Variants in CEP350 observed in about 807,000 individuals in gnomAD.
CEP350 encodes centrosomal protein 350, also known as centrosome-associated protein 350.
A neutral mutation model predicts 331.8 loss-of-function variants in CEP350; 126 were observed. That is an observed-to-expected ratio of 0.38 (90% CI 0.33 to 0.44). CEP350 has a LOEUF of 0.44. CEP350 is among the 20% of genes least tolerant of loss of function. The probability of loss-of-function intolerance (pLI) is 1.00; values close to 1 mark genes in which losing one functional copy is unlikely to be tolerated. For synonymous variants in CEP350, 1,200 were observed against 1,259.5 expected (o/e 0.95, Z 1.00); for missense variants, 3,406 against 3,634.6 (o/e 0.94, Z 1.62).
Position 180,058,070 on chromosome 1 carries a change from G to C in CEP350, c.5262+3568G>C, listed in dbSNP as rs754427825. On this transcript the variant is annotated intron_variant, in intron 25 of 37. Transcript: ENST00000367607. ...AGTTGAGAGCAATTGCCACTACCTG[G>C]TTCAGTTGAGGACATATATAATATA... 7.2e-5 allele frequency among the ~76,000 whole-genome samples: 11 copies of C among 152,186 alleles called. 1 individual carries two copies. Among genetic ancestry groups the C allele is most frequent in the Admixed American group, 7.2e-4 (11 of 15,292 alleles).
Position 180,004,719 on chromosome 1 carries a change from G to A in CEP350, c.1132+1432G>A, listed in dbSNP as rs562942096. On this transcript the variant is annotated intron_variant, in intron 7 of 37. Coordinates refer to ENST00000367607, the MANE Select transcript of CEP350 (RefSeq NM_014810.5). ...GTTATGATCTGTCAGCAGCATGATT[G>A]ATCACTTCTTCTTTGAAATTTTCAC... 7.4e-4 allele frequency among the ~76,000 whole-genome samples: 112 copies of A among 152,250 alleles called. 1 individual carries two copies. The highest frequency in any genetic ancestry group is 2.6e-3 in the African/African-American group (110 of 41,540).
At chr1:180,078,388 C>A in intron 28 of CEP350, 75 bp from the exon 29 acceptor site, 1 of 1,082,238 alleles carries the variant, frequency 9.2e-7, no homozygotes, top group Non-Finnish European at 1.4e-6. Flanking sequence ...ATGCTAAAAA[C>A]AATGTTTATT....
At chr1:180,049,851 T>A (rs1657372285) in intron 22 of CEP350, among the ~76,000 whole-genome samples, 1 of 152,206 alleles carries the variant, frequency 6.6e-6, no homozygotes, top group Non-Finnish European at 1.5e-5. Context: ...CTACTTACCC[T>A]CTTAAAGCAA....
intron 1 of CEP350, chr1:179,969,118 G>A (rs1297663900): frequency 9.0e-6 from 6 of 666,896 alleles, no homozygotes; most frequent in African/African-American, 5.3e-5. Context: ...TTGCCATCCC[G>A]TGCAACAATA....
chr1:179,991,769 T>A (rs576743066), intron 4 of CEP350, among the ~76,000 whole-genome samples: 112 of 148,602 alleles, frequency 7.5e-4, no homozygotes, highest in African/African-American at 2.5e-3. Context: ...TATATGATAC[T>A]TCTCTCTTAA....
At chr1:180,102,192 G>GT (rs1288041680) in intron 37 of CEP350, among the ~76,000 whole-genome samples, 1 of 150,492 alleles carries the variant, frequency 6.6e-6, no homozygotes, top group Non-Finnish European at 1.5e-5. Flanking sequence ...CTGGAGTGCA[G>GT]TGGCACCACC....
At chr1:179,955,228 G>A in intron 1 of CEP350, 86 bp downstream of exon 1, 4 of 1,149,870 alleles carry the variant, frequency 3.5e-6, no homozygotes, top group Non-Finnish European at 4.4e-6. Context: ...CCCCGGTGGC[G>A]GCAAGAGAGG....
Position 180,020,789 on chromosome 1 carries a change from T to G in CEP350, c.3015T>G (p.Leu1005=). The G allele has an allele frequency of 6.2e-7, 1 of 1,613,544 alleles. No individual in the cohort carries two copies. Among genetic ancestry groups the G allele is most frequent in the South Asian group, 1.1e-5 (1 of 91,034 alleles). Reference sequence around the variant, plus strand: ...AGGGAGACCAGGATGGACAGCCCCTTTTGAAAGTAGCAGAAATTTTAAAAG... The same window carrying G: ...AGGGAGACCAGGATGGACAGCCCCTGTTGAAAGTAGCAGAAATTTTAAAAG... ...EEEGDQDGQP[L]LKVAEILKEK... The change falls in exon 12 of 38, where the codon CTT becomes CTG. Residue 1005 remains leucine, a synonymous_variant. Transcript: ENST00000367607.
chr1:180,045,108 G>A (rs928495556), intron 21 of CEP350, among the ~76,000 whole-genome samples: 2 of 152,104 alleles, frequency 1.3e-5, no homozygotes, highest in East Asian at 1.9e-4. Context: ...TTGGGAGGCC[G>A]AGGTGGGAAG....
At chr1:180,094,706 T>G in intron 34 of CEP350, 90 bp downstream of exon 34, 2 of 1,346,478 alleles carry the variant, frequency 1.5e-6, no homozygotes, top group Non-Finnish European at 1.0e-6. Flanking sequence ...ATTTTAATTC[T>G]GTGACTCCTG....
chr1:180,098,934 G>A lies in CEP350; in HGVS notation c.9138G>A (p.Gln3046=), dbSNP rs1404092000. 5.0e-6 allele frequency: 8 copies of A among 1,613,630 alleles called. No individual in the cohort carries two copies. The highest frequency in any genetic ancestry group is 6.8e-6 in the Non-Finnish European group (8 of 1,179,726). Reference sequence around the variant, plus strand: ...AGCCAAACCACAAAACAGATTGGCAGAAAATGATGAAATTTGGAAGAAAGA... The same window carrying A: ...AGCCAAACCACAAAACAGATTGGCAAAAAATGATGAAATTTGGAAGAAAGA... ...KKEPNHKTDW[Q]KMMKFGRKKR... The change falls in exon 37 of 38, where the codon CAG becomes CAA. Residue 3046 remains glutamine (Q), a synonymous_variant. Transcript: ENST00000367607.
At chr1:179,988,521 T>C (rs1652812324) in intron 3 of CEP350, among the ~76,000 whole-genome samples, 1 of 152,176 alleles carries the variant, frequency 6.6e-6, no homozygotes, top group Non-Finnish European at 1.5e-5. Context: ...TTACTTCTTT[T>C]TTGTATCAAT....
chr1:179,962,044 A>C (rs2148540101), intron 1 of CEP350, among the ~76,000 whole-genome samples: 1 of 151,632 alleles, frequency 6.6e-6, no homozygotes, highest in South Asian at 2.1e-4. Flanking sequence ...ATGGGGTTTC[A>C]CCATGTTGGC....
chr1:180,090,757 C>G lies in CEP350; in HGVS notation c.6469C>G (p.Arg2157Gly). ...KNWKSLTESE[R>G]SRGSLESIAE... ...TTGGAAATCACTAACAGAGTCAGAACGTTCCAGAGGATCCCTGGAGTCTAT... is the reference window on the plus strand; with the variant it reads ...TTGGAAATCACTAACAGAGTCAGAAGGTTCCAGAGGATCCCTGGAGTCTAT... The change falls in exon 33 of 38, where the codon CGT (arginine) becomes GGT (glycine). Residue 2157 changes from arginine (R) to glycine (G), a missense_variant. Physicochemically the swap from Arg to Gly is moderately radical, Grantham distance 125. Coordinates refer to ENST00000367607, the MANE Select transcript of CEP350 (RefSeq NM_014810.5). 6.4e-7 allele frequency: 1 copy of G among 1,552,424 alleles called. No individual in the cohort carries two copies.
chr1:180,100,615 C>T (rs548513506), intron 37 of CEP350, among the ~76,000 whole-genome samples: 2 of 152,190 alleles, frequency 1.3e-5, no homozygotes, highest in East Asian at 3.9e-4. Flanking sequence ...CAGAAACCAG[C>T]CATTAATATA....
chr1:180,058,541 G>T (rs1213037302), intron 25 of CEP350, among the ~76,000 whole-genome samples: 4 of 152,116 alleles, frequency 2.6e-5, no homozygotes, highest in Non-Finnish European at 5.9e-5. Context: ...ATATAGAAAT[G>T]ATACACTTCT....
In CEP350 at chr1:180,111,228, C is replaced by A; in HGVS notation, c.*67C>A. On this transcript the variant is annotated 3_prime_UTR_variant, in exon 38 of 38. Coordinates refer to ENST00000367607, the MANE Select transcript of CEP350 (RefSeq NM_014810.5). ...CTGGGCCTTTCTGCCTCCTGATGTA[C>A]ACCCATCGCCATCATAGCAAGAGTG... 1.3e-6 allele frequency: 2 copies of A among 1,554,016 alleles called. No individual in the cohort carries two copies. Among genetic ancestry groups the A allele is most frequent in the South Asian group, 1.2e-5 (1 of 83,986 alleles).
At position 179,982,042 on chromosome 1, in the gene CEP350, G is replaced by GCATA. The variant is rs1293649273; in HGVS notation, c.-13-4126_-13-4123dup. Among the ~76,000 whole-genome samples the GCATA allele has an allele frequency of 3.3e-5, 5 of 152,150 alleles. No individual in the cohort carries two copies. The East Asian group carries it at 9.6e-4, about 29-fold the overall frequency. ...ACTAGAATTATAAACCTAAAACAGG[G>GCATA]CATAATTCATGTTATCTGAAAATCC... On this transcript the variant is annotated intron_variant, in intron 1 of 37. Coordinates refer to ENST00000367607, the MANE Select transcript of CEP350 (RefSeq NM_014810.5).
chr1:180,092,711 T>C lies in CEP350; in HGVS notation c.6606T>C (p.Phe2202=), dbSNP rs765147515. ...AATGGGACAGTCGAACAGAAGATTT[T>C]CAGACCCCATCTCCAGTTCTCAGAT... ...VNEWDSRTED[F]QTPSPVLRSS... is the part of the protein sequence containing the mutation. The change falls in exon 34 of 38, where the codon TTT becomes TTC. Residue 2202 remains phenylalanine, a synonymous_variant. Coordinates refer to ENST00000367607, the MANE Select transcript of CEP350 (RefSeq NM_014810.5). 5.6e-6 allele frequency: 9 copies of C among 1,611,776 alleles called. No homozygotes were observed. The East Asian group carries it at 2.0e-4, about 36-fold the overall frequency.
Sources: gnomAD v4.1 joint callset for allele counts (sites outside exome capture counted in the v4.1 genomes callset) on GRCh38, gnomAD v4.1.1 for gene constraint, MANE v1.5 for transcripts, NCBI Gene and HGNC (gene_info 2026-07-23, HGNC 2026-07-21) for gene names.